The following CALN1 variants were observed in gnomAD, a reference collection of about 807,000 sequenced individuals.
CALN1 encodes the protein calneuron 1, also known as calcium-binding protein 8.
In CALN1, 17 loss-of-function variants were observed where a neutral mutation model predicts 30.6. The ratio of observed to expected loss-of-function variants is 0.56; its 90% CI spans 0.38 to 0.83. The LOEUF is 0.83. Among genes scored for constraint, CALN1 ranks in the 40% least tolerant of loss-of-function variants. The probability of loss-of-function intolerance (pLI) is 0.00; values close to 1 mark genes in which losing one functional copy is unlikely to be tolerated. For missense variants in CALN1, 291 were observed against 354.9 expected (o/e 0.82, Z 1.45); for synonymous variants, 156 against 131.4 (o/e 1.19, Z -1.28).
Position 71,833,834 on chromosome 7 carries a change from G to C in CALN1, c.502-23342C>G, listed in dbSNP as rs540845653. ...AAGCTGAGGTGGGAGGATCACTTGAGCCCAGGAGTTCAAGGCTGAGCTATG... is the reference window on the plus strand; with the variant it reads ...AAGCTGAGGTGGGAGGATCACTTGACCCCAGGAGTTCAAGGCTGAGCTATG... On this transcript the variant is annotated intron_variant, in intron 5 of 6. Transcript: ENST00000395275. Among the ~76,000 whole-genome samples the C allele has an allele frequency of 2.4e-4, 37 of 152,170 alleles. No individual in the cohort carries two copies. The South Asian group carries it at 7.1e-3, about 29-fold the overall frequency.
intron 2 of CALN1, among the ~76,000 whole-genome samples, chr7:72,353,385 G>A (rs1031022506): frequency 6.6e-6 from 1 of 152,114 alleles, no homozygotes; most frequent in Non-Finnish European, 1.5e-5. Flanking sequence ...TCTTGACAAG[G>A]TGGAGTTTTT....
rs568338122 is a variant in CALN1, at chr7:71,924,433, T to C, written c.501+99224A>G. Among the ~76,000 whole-genome samples the C allele has an allele frequency of 4.8e-5, 7 of 145,164 alleles. No individual in the cohort carries two copies. In the South Asian group the frequency reaches 1.1e-3, roughly 22 times the overall value. On this transcript the variant is annotated intron_variant, in intron 5 of 6. Coordinates refer to ENST00000395275, the MANE Select transcript of CALN1 (RefSeq NM_031468.4). The stretch of plus-strand genomic sequence containing the variant: ...CTTAATATATACAAAAGAATGTTTA[T>C]ATATTACTTTCAAGGCAATGATCAT...
intron 3 of CALN1, among the ~76,000 whole-genome samples, chr7:72,112,656 C>G (rs1807663779): frequency 1.3e-5 from 2 of 151,994 alleles, no homozygotes; most frequent in South Asian, 4.2e-4. Flanking sequence ...CTAAGAAAGG[C>G]AAAAAATGAA....
chr7:72,496,615 G>A, the CALN1 span, among the ~76,000 whole-genome samples: 6 of 152,336 alleles, frequency 3.9e-5, no homozygotes, highest in Admixed American at 3.3e-4. Context: ...TGGGTTGGGT[G>A]TGGTGGCTCA....
chr7:71,971,001 G>C (rs1797767473), intron 5 of CALN1, among the ~76,000 whole-genome samples: 1 of 152,152 alleles, frequency 6.6e-6, no homozygotes, highest in Non-Finnish European at 1.5e-5. Flanking sequence ...AGGCATCTTA[G>C]GTGTGATTAT....
intron 1 of CALN1, among the ~76,000 whole-genome samples, chr7:72,437,403 C>G (rs115816584): frequency 6.6e-6 from 1 of 152,008 alleles, no homozygotes; most frequent in Non-Finnish European, 1.5e-5. Flanking sequence ...TAGAGAGAAG[C>G]CTGAGTGGGT....
intron 5 of CALN1, among the ~76,000 whole-genome samples, chr7:71,845,776 C>T (rs1438121390): frequency 4.6e-5 from 7 of 152,130 alleles, no homozygotes; most frequent in African/African-American, 1.4e-4. Context: ...CACTCTCATC[C>T]GGGCACAGTG....
intron 5 of CALN1, among the ~76,000 whole-genome samples, chr7:71,822,734 T>C (rs545970242): frequency 1.3e-5 from 2 of 152,250 alleles, no homozygotes; most frequent in Admixed American, 6.5e-5. Context: ...ATAAGATTAA[T>C]AGACCTTTTA....
chr7:72,048,211 T>C (rs528426725), intron 4 of CALN1, among the ~76,000 whole-genome samples: 9 of 152,166 alleles, frequency 5.9e-5, no homozygotes, highest in Admixed American at 5.9e-4. Flanking sequence ...GGCTAATTTT[T>C]GTATTTTAGT....
intron 3 of CALN1, among the ~76,000 whole-genome samples, chr7:72,173,812 T>C (rs1268094340): frequency 6.6e-6 from 1 of 151,870 alleles, no homozygotes; most frequent in Non-Finnish European, 1.5e-5. Context: ...TAGATCTAAA[T>C]AGAAAAACAA....
At chr7:72,471,997 C>T in the CALN1 span, among the ~76,000 whole-genome samples, 2 of 151,974 alleles carry the variant, frequency 1.3e-5, no homozygotes, top group African/African-American at 2.4e-5. Flanking sequence ...GGTCTTGCTA[C>T]GTTGCCCAGG....
chr7:72,218,417 C>T (rs1793012154), intron 3 of CALN1, among the ~76,000 whole-genome samples: 1 of 151,954 alleles, frequency 6.6e-6, no homozygotes, highest in Non-Finnish European at 1.5e-5. Context: ...CACTGCACTC[C>T]AGCCTGGGCA....
chr7:71,804,704 A>G (rs988313786), intron 6 of CALN1, among the ~76,000 whole-genome samples: 6 of 152,262 alleles, frequency 3.9e-5, no homozygotes, highest in Non-Finnish European at 8.8e-5. Context: ...CTGTAATCCC[A>G]GCACTTTGGG....
At chr7:72,453,722 T>G in the CALN1 span, among the ~76,000 whole-genome samples, 1 of 152,220 alleles carries the variant, frequency 6.6e-6, no homozygotes, top group Non-Finnish European at 1.5e-5. Flanking sequence ...AGAATTTTCC[T>G]TGGAGATTCC....
chr7:72,052,364 G>A (rs577502793), intron 4 of CALN1, among the ~76,000 whole-genome samples: 1 of 152,270 alleles, frequency 6.6e-6, no homozygotes, highest in Non-Finnish European at 1.5e-5. Flanking sequence ...GGAAGGTAGA[G>A]AGAAGATACG....
At chr7:71,808,609 C>A (rs1787757811) in intron 6 of CALN1, among the ~76,000 whole-genome samples, 1 of 152,032 alleles carries the variant, frequency 6.6e-6, no homozygotes, top group South Asian at 2.1e-4. Flanking sequence ...AATAAAAAGG[C>A]CTTACTTCGA....
intron 4 of CALN1, among the ~76,000 whole-genome samples, chr7:72,085,104 G>T (rs1012679394): frequency 7.9e-5 from 12 of 152,144 alleles, no homozygotes; most frequent in African/African-American, 2.7e-4. Flanking sequence ...CGGTCAGAAG[G>T]TCAATAGCAG....
intron 4 of CALN1, among the ~76,000 whole-genome samples, chr7:72,061,116 A>C (rs1803618166): frequency 6.6e-6 from 1 of 152,202 alleles, no homozygotes; most frequent in African/African-American, 2.4e-5. Flanking sequence ...CAGAATTTTC[A>C]GCCTACACCC....
intron 2 of CALN1, among the ~76,000 whole-genome samples, chr7:72,394,625 ATC>A (rs1805796232): frequency 6.6e-6 from 1 of 151,692 alleles, no homozygotes; most frequent in Non-Finnish European, 1.5e-5. Flanking sequence ...TGCTTATTTA[ATC>A]TGAGTGTATG....
Sources: allele counts gnomAD v4.1 joint callset (sites outside exome capture counted in the v4.1 genomes callset), GRCh38; gene constraint gnomAD v4.1.1; transcripts MANE v1.5; gene names NCBI Gene and HGNC (gene_info 2026-07-23, HGNC 2026-07-21).